The following CSMD1 variants were observed in gnomAD, a reference collection of about 807,000 sequenced individuals.
The protein encoded by CSMD1 is CUB and Sushi multiple domains 1.
Under a neutral mutation model 417.5 loss-of-function variants are expected in CSMD1, and 213 were observed. The ratio of observed to expected loss-of-function variants is 0.51; its 90% CI spans 0.46 to 0.57. The LOEUF is 0.57. Ranked by LOEUF, CSMD1 falls within the 20% of genes least tolerant of loss-of-function variation. CSMD1 has a pLI of 0.00. For missense variants in CSMD1, 6,923 were observed against 4,529.7 expected, an observed-to-expected ratio of 1.53 and a Z score of -15.17; for synonymous variants, 2,862 against 1,736.8, an observed-to-expected ratio of 1.65 and a Z score of -16.11.
At chr8:4,185,565 T>C (rs1051844974) in intron 3 of CSMD1, among the ~76,000 whole-genome samples, 1 of 152,110 alleles carries the variant, frequency 6.6e-6, no homozygotes, top group East Asian at 1.9e-4. Context: ...AACACACAAA[T>C]GGATCAAAAG....
At chr8:4,016,843 T>C (rs1035835762) in intron 4 of CSMD1, among the ~76,000 whole-genome samples, 2 of 152,180 alleles carry the variant, frequency 1.3e-5, no homozygotes, top group African/African-American at 4.8e-5. Context: ...GTCATGTCTA[T>C]CAAAGACCAA....
intron 5 of CSMD1, among the ~76,000 whole-genome samples, chr8:3,915,396 ACT>A (rs1410244047): frequency 1.6e-5 from 2 of 122,880 alleles, no homozygotes; most frequent in South Asian, 2.8e-4. Flanking sequence ...TCACAGTAAG[ACT>A]CTGTCTCAAA....
intron 41 of CSMD1, among the ~76,000 whole-genome samples, chr8:3,121,498 G>C (rs923012644): frequency 6.6e-6 from 1 of 152,156 alleles, no homozygotes; most frequent in Non-Finnish European, 1.5e-5. Flanking sequence ...CTCCCAGAGC[G>C]GGAGAGGAGG....
intron 2 of CSMD1, among the ~76,000 whole-genome samples, chr8:4,507,373 G>C (rs1270501471): frequency 1.3e-5 from 2 of 152,164 alleles, no homozygotes; most frequent in African/African-American, 4.8e-5. Context: ...CCATTAGATA[G>C]TTGGTGCTAT....
chr8:4,897,236 G>C (rs111828272), intron 1 of CSMD1, among the ~76,000 whole-genome samples: 4 of 152,020 alleles, frequency 2.6e-5, no homozygotes, highest in Admixed American at 2.0e-4. Flanking sequence ...TGTTTCTACT[G>C]TGTCAAAATC....
chr8:3,274,737 A>C (rs1802143657), intron 26 of CSMD1, among the ~76,000 whole-genome samples: 1 of 151,952 alleles, frequency 6.6e-6, no homozygotes, highest in South Asian at 2.1e-4. Flanking sequence ...TTTATGAGAG[A>C]CTAGGATTGC....
At chr8:4,121,806 G>T (rs10112869) in intron 3 of CSMD1, among the ~76,000 whole-genome samples, 150,510 of 152,152 alleles carry the variant, frequency 0.99, 74,468 homozygotes, top group East Asian at 1. Context: ...TTTTCTAATT[G>T]TAACTTAGTT....
At chr8:3,856,988 G>T (rs1027014181) in intron 5 of CSMD1, among the ~76,000 whole-genome samples, 1 of 151,942 alleles carries the variant, frequency 6.6e-6, no homozygotes, top group Non-Finnish European at 1.5e-5. Context: ...TTTTTTATTT[G>T]CACAGAGAAA....
intron 10 of CSMD1, among the ~76,000 whole-genome samples, chr8:3,531,003 C>A (rs1333247551): frequency 2.7e-5 from 4 of 150,784 alleles, no homozygotes; most frequent in Non-Finnish European, 5.9e-5. Context: ...CAGGCACACA[C>A]CACCATGCCC....
chr8:4,027,692 C>G (rs1167080012), intron 4 of CSMD1, among the ~76,000 whole-genome samples: 1 of 152,068 alleles, frequency 6.6e-6, no homozygotes, highest in Non-Finnish European at 1.5e-5. Context: ...ATACAGATGA[C>G]AACTGACATT....
At chr8:3,557,993 G>T (rs1799231293) in intron 10 of CSMD1, among the ~76,000 whole-genome samples, 1 of 152,050 alleles carries the variant, frequency 6.6e-6, no homozygotes, top group African/African-American at 2.4e-5. Context: ...TGCCTCAGTG[G>T]TACCCTGTGT....
chr8:4,110,779 G>A (rs567770948), intron 3 of CSMD1, among the ~76,000 whole-genome samples: 1 of 152,138 alleles, frequency 6.6e-6, no homozygotes, highest in Non-Finnish European at 1.5e-5. Context: ...ATTCAAACGA[G>A]AGATATTTTC....
At chr8:4,804,960 G>C (rs963176039) in intron 1 of CSMD1, among the ~76,000 whole-genome samples, 3 of 152,132 alleles carry the variant, frequency 2.0e-5, no homozygotes, top group Non-Finnish European at 2.9e-5. Flanking sequence ...ATAGGAACTT[G>C]AAATTAATTT....
intron 3 of CSMD1, among the ~76,000 whole-genome samples, chr8:4,084,331 AAG>A (rs1384921063): frequency 2.9e-5 from 2 of 69,560 alleles, no homozygotes; most frequent in Non-Finnish European, 7.5e-5. Flanking sequence ...TTTGTTAAAA[AAG>A]AAAAAAAAAA....
At chr8:4,078,556 G>T (rs1239939152) in intron 3 of CSMD1, among the ~76,000 whole-genome samples, 2 of 151,376 alleles carry the variant, frequency 1.3e-5, no homozygotes, top group African/African-American at 4.9e-5. Flanking sequence ...GAGCCACTGC[G>T]CCCGGCTGAT....
At chr8:4,388,828 G>C (rs569408940) in intron 3 of CSMD1, among the ~76,000 whole-genome samples, 1 of 152,290 alleles carries the variant, frequency 6.6e-6, no homozygotes, top group South Asian at 2.1e-4. Context: ...GAATAATCCT[G>C]CCTTCCCTTT....
intron 7 of CSMD1, among the ~76,000 whole-genome samples, chr8:3,660,867 T>C (rs1317179544): frequency 6.6e-6 from 1 of 152,148 alleles, no homozygotes; most frequent in Non-Finnish European, 1.5e-5. Flanking sequence ...GGAATTCAAT[T>C]GTTCAGACTC....
intron 1 of CSMD1, among the ~76,000 whole-genome samples, chr8:4,949,356 G>C (rs952760637): frequency 2.0e-5 from 3 of 152,074 alleles, no homozygotes; most frequent in African/African-American, 7.2e-5. Context: ...TTTATTATTT[G>C]TAAATGTTTG....
In CSMD1 at chr8:3,187,436, G is replaced by C. The variant is rs753039259; in HGVS notation, c.5620+433C>G. On this transcript the variant is annotated intron_variant, in intron 36 of 69. Coordinates refer to ENST00000635120, the MANE Select transcript of CSMD1 (RefSeq NM_033225.6). Reference sequence around the variant, plus strand: ...TGGACTTGCAGTGGACTACAATTTCGTGCCTGGCTACATATGAGTAGGGTA... The same window carrying C: ...TGGACTTGCAGTGGACTACAATTTCCTGCCTGGCTACATATGAGTAGGGTA... 1.8e-4 allele frequency among the ~76,000 whole-genome samples: 27 copies of C among 152,080 alleles called. 1 individual carries two copies. Among genetic ancestry groups the C allele is most frequent in the Non-Finnish European group, 3.5e-4 (24 of 67,988 alleles).
Sources: allele counts gnomAD v4.1 joint callset (sites outside exome capture counted in the v4.1 genomes callset), GRCh38; gene constraint gnomAD v4.1.1; transcripts MANE v1.5; gene names NCBI Gene and HGNC (gene_info 2026-07-23, HGNC 2026-07-21).